Variants in PLA2R1 observed in about 807,000 individuals in gnomAD.
PLA2R1 encodes phospholipase A2 receptor 1, also known as secretory phospholipase A2 receptor.
In PLA2R1, 158 loss-of-function variants were observed where a neutral mutation model predicts 195.9. The observed-to-expected ratio is 0.81, with a 90% confidence interval of 0.71 to 0.92. The LOEUF (loss-of-function observed/expected upper bound fraction) is 0.92, where lower values mean the gene tolerates loss of function less well. Among genes scored for constraint, PLA2R1 ranks in the 40% least tolerant of loss-of-function variants. PLA2R1 has a pLI of 0.00. For synonymous variants in PLA2R1, 586 were observed against 598.2 expected (o/e 0.98, Z 0.30); for missense variants, 1,626 against 1,764.6 (o/e 0.92, Z 1.41).
chr2:159,958,469 C>G (rs1257991564), intron 20 of PLA2R1, among the ~76,000 whole-genome samples: 1 of 152,078 alleles, frequency 6.6e-6, no homozygotes, highest in Non-Finnish European at 1.5e-5. Context: ...TGGTCTAATA[C>G]AATATCTTTC....
At chr2:160,012,442 G>A (rs1054628438) in intron 10 of PLA2R1, among the ~76,000 whole-genome samples, 1 of 152,066 alleles carries the variant, frequency 6.6e-6, no homozygotes, top group African/African-American at 2.4e-5. Context: ...TGTAAAAAGG[G>A]CACAGTCTCT....
intron 20 of PLA2R1, among the ~76,000 whole-genome samples, chr2:159,965,517 G>T (rs1688730152): frequency 6.6e-6 from 1 of 152,120 alleles, no homozygotes; most frequent in African/African-American, 2.4e-5. Context: ...TCCATTGTGT[G>T]GTTGTACCAG....
chr2:160,008,060 G>A (rs946657354), intron 10 of PLA2R1, among the ~76,000 whole-genome samples: 6 of 152,224 alleles, frequency 3.9e-5, no homozygotes, highest in Non-Finnish European at 7.3e-5. Flanking sequence ...TCAGCACTTT[G>A]GGAGACTGAG....
Position 160,062,395 on chromosome 2 carries a change from C to T in PLA2R1, c.9G>A (p.Leu3=), listed in dbSNP as rs556026447. 6.5e-7 allele frequency: 1 copy of T among 1,541,146 alleles called. No homozygotes were observed. Among genetic ancestry groups the T allele is most frequent in the Non-Finnish European group, 8.7e-7 (1 of 1,143,178 alleles). The stretch of plus-strand genomic sequence containing the variant: ...GCAGCAGCAGCAGCAGCGACGGCGA[C>T]AGCAGCATCGCTAACCACTGGGCTC... The part of the protein sequence containing the change: ML[L]SPSLLLLLLL... Residue 3 remains leucine (L), a synonymous_variant, in exon 1 of 30, where the codon CTG becomes CTA. Transcript: ENST00000283243.
intron 18 of PLA2R1, among the ~76,000 whole-genome samples, chr2:159,969,604 C>T (rs753566234): frequency 4.6e-5 from 7 of 152,082 alleles, no homozygotes; most frequent in Admixed American, 6.5e-5. Context: ...TACAGTGGCA[C>T]GATCTCGGCT....
At chr2:159,965,625 T>G (rs1310099990) in intron 20 of PLA2R1, among the ~76,000 whole-genome samples, 1 of 152,192 alleles carries the variant, frequency 6.6e-6, no homozygotes, top group Non-Finnish European at 1.5e-5. Context: ...TTTTTACATA[T>G]ACATAAGTTT....
intron 11 of PLA2R1, among the ~76,000 whole-genome samples, chr2:159,998,349 T>A (rs1274110779): frequency 6.6e-6 from 1 of 152,182 alleles, no homozygotes; most frequent in African/African-American, 2.4e-5. Flanking sequence ...ACAATTACTG[T>A]CCTTATTTTA....
chr2:160,037,019 C>G (rs1694206823), intron 3 of PLA2R1, among the ~76,000 whole-genome samples: 1 of 152,224 alleles, frequency 6.6e-6, no homozygotes, highest in Non-Finnish European at 1.5e-5. Context: ...CCTGACAGCT[C>G]TGCTGTCTCC....
At chr2:159,985,230 G>C (rs995892375) in intron 12 of PLA2R1, among the ~76,000 whole-genome samples, 3 of 152,148 alleles carry the variant, frequency 2.0e-5, no homozygotes, top group African/African-American at 7.2e-5. Context: ...GGCCACTTTT[G>C]GGCCTATTAT....
At chr2:159,987,090 G>C in intron 12 of PLA2R1, 66 bp downstream of exon 12, 1 of 1,258,058 alleles carries the variant, frequency 7.9e-7, no homozygotes, top group East Asian at 2.3e-5. Flanking sequence ...AAGGAATTTG[G>C]GATACATGGA....
At chr2:159,945,683 G>A in intron 27 of PLA2R1, 1 of 459,348 alleles carries the variant, frequency 2.2e-6, no homozygotes, top group South Asian at 9.3e-5. Context: ...CTTTATAGCA[G>A]CATGATTTAT....
intron 11 of PLA2R1, among the ~76,000 whole-genome samples, chr2:159,989,139 G>A (rs193263812): frequency 7.2e-5 from 11 of 152,310 alleles, no homozygotes; most frequent in African/African-American, 1.2e-4. Flanking sequence ...AAAGGCCATC[G>A]GATGGCTCTA....
At chr2:159,942,037 G>C in intron 29 of PLA2R1, 45 bp from the exon 30 acceptor site, 1 of 1,549,664 alleles carries the variant, frequency 6.5e-7, no homozygotes, top group Non-Finnish European at 8.9e-7. Context: ...CTTCAGTGGC[G>C]ATGAAGTAAT....
chr2:159,942,026 A>G, intron 29 of PLA2R1, 34 bp from the exon 30 acceptor site: 2 of 1,587,140 alleles, frequency 1.3e-6, no homozygotes. Context: ...AAAAAGAAAA[A>G]CTTCAGTGGC....
At chr2:160,001,501 C>G (rs187121752) in intron 11 of PLA2R1, among the ~76,000 whole-genome samples, 2 of 151,984 alleles carry the variant, frequency 1.3e-5, no homozygotes, top group East Asian at 3.9e-4. Flanking sequence ...CCAAACTATA[C>G]AGTTAAGGAC....
intron 11 of PLA2R1, among the ~76,000 whole-genome samples, chr2:159,989,502 G>A (rs1690610584): frequency 6.6e-6 from 1 of 152,208 alleles, no homozygotes; most frequent in African/African-American, 2.4e-5. Context: ...GAAACCTCAT[G>A]GAAAGAACTT....
intron 3 of PLA2R1, among the ~76,000 whole-genome samples, chr2:160,040,953 T>C (rs1423496416): frequency 6.6e-6 from 1 of 152,148 alleles, no homozygotes; most frequent in Non-Finnish European, 1.5e-5. Flanking sequence ...ATAATCCTAA[T>C]AGGTACTGCT....
chr2:160,040,547 A>G lies in PLA2R1; in HGVS notation c.667+1478T>C, dbSNP rs115337510. On this transcript the variant is annotated intron_variant, in intron 3 of 29. Coordinates refer to ENST00000283243, the MANE Select transcript of PLA2R1 (RefSeq NM_007366.5). ...TCAAAAATGCAGATGGTTGAGTTTT[A>G]CATACTGCACCCACTGCATCTCTGG... Among the ~76,000 whole-genome samples the G allele has an allele frequency of 4.2e-3, 639 of 152,326 alleles. 5 individuals are homozygous for G. The highest frequency in any genetic ancestry group is 0.015 in the African/African-American group (617 of 41,586).
intron 11 of PLA2R1, among the ~76,000 whole-genome samples, chr2:159,995,717 A>C (rs1210594824): frequency 1.3e-5 from 2 of 152,060 alleles, no homozygotes; most frequent in African/African-American, 4.8e-5. Context: ...ATTTGTCTTC[A>C]TTTCACTTTG....
Sources: allele counts gnomAD v4.1 joint callset (sites outside exome capture counted in the v4.1 genomes callset), GRCh38; gene constraint gnomAD v4.1.1; transcripts MANE v1.5; gene names NCBI Gene and HGNC (gene_info 2026-07-23, HGNC 2026-07-21).